The following COL24A1 variants were observed in gnomAD, a reference collection of about 807,000 sequenced individuals.
The protein encoded by COL24A1 is collagen alpha-1(XXIV) chain.
Under a neutral mutation model 253.9 loss-of-function variants are expected in COL24A1, and 224 were observed. The ratio of observed to expected loss-of-function variants is 0.88; its 90% CI spans 0.79 to 0.99. COL24A1 has a LOEUF of 0.99. Ranked by LOEUF, COL24A1 falls within the 50% of genes least tolerant of loss-of-function variation. The probability of loss-of-function intolerance (pLI) is 0.00; values close to 1 mark genes in which losing one functional copy is unlikely to be tolerated. For missense variants in COL24A1, 2,131 were observed against 2,068.5 expected (o/e 1.03, Z -0.59); for synonymous variants, 685 against 673.7 (o/e 1.02, Z -0.26).
chr1:85,793,495 G>GGA (rs892752879), intron 47 of COL24A1, among the ~76,000 whole-genome samples: 6 of 151,962 alleles, frequency 3.9e-5, no homozygotes, highest in African/African-American at 9.7e-5. Flanking sequence ...GAAAGAGAGG[G>GGA]GAGAGAGAGA....
At chr1:85,838,450 A>T (rs1476167567) in intron 43 of COL24A1, 135 bp downstream of exon 43, 1 of 723,952 alleles carries the variant, frequency 1.4e-6, no homozygotes, top group East Asian at 2.6e-5. Flanking sequence ...AGGAACAGAA[A>T]GTAGAAAGAC....
chr1:85,872,515 G>A (rs921341593), intron 35 of COL24A1, among the ~76,000 whole-genome samples: 6 of 152,166 alleles, frequency 3.9e-5, no homozygotes, highest in African/African-American at 1.4e-4. Context: ...ACAGAACAGA[G>A]CCCTCAGAAA....
chr1:85,853,675 G>T (rs1264978974), intron 37 of COL24A1, among the ~76,000 whole-genome samples: 6 of 152,180 alleles, frequency 3.9e-5, no homozygotes, highest in South Asian at 2.1e-4. Context: ...ACTGGTATGA[G>T]ATGGTATCTC....
At chr1:86,083,256 C>T (rs933105256) in intron 7 of COL24A1, among the ~76,000 whole-genome samples, 7 of 151,682 alleles carry the variant, frequency 4.6e-5, no homozygotes, top group Non-Finnish European at 1.0e-4. Context: ...CGAGATTGCA[C>T]CACTGCACTC....
At chr1:86,135,695 T>C (rs1650124399) in intron 2 of COL24A1, among the ~76,000 whole-genome samples, 2 of 152,060 alleles carry the variant, frequency 1.3e-5, no homozygotes, top group Admixed American at 6.6e-5. Flanking sequence ...TTTAATATAT[T>C]GCCTTCTTTT....
intron 7 of COL24A1, among the ~76,000 whole-genome samples, chr1:86,082,691 T>C (rs953573086): frequency 7.9e-6 from 1 of 126,068 alleles, no homozygotes; most frequent in Non-Finnish European, 1.7e-5. Flanking sequence ...ACATAATACA[T>C]AAATACAATT....
chr1:85,891,199 C>A (rs113550590), intron 31 of COL24A1, among the ~76,000 whole-genome samples: 1,754 of 151,104 alleles, frequency 0.012, 27 homozygotes, highest in African/African-American at 0.039. Flanking sequence ...TACAGGCGCC[C>A]GCCACCACGC....
At chr1:85,844,328 A>T (rs115590317) in intron 39 of COL24A1, among the ~76,000 whole-genome samples, 184 of 152,254 alleles carry the variant, frequency 1.2e-3, no homozygotes, top group African/African-American at 3.9e-3. Flanking sequence ...TGTTCAGGAG[A>T]AAATAAACTC....
At chr1:85,932,456 C>T (rs1470253555) in intron 24 of COL24A1, among the ~76,000 whole-genome samples, 92 of 110,234 alleles carry the variant, frequency 8.3e-4, no homozygotes, top group African/African-American at 2.8e-3. Flanking sequence ...GGAGAGGATG[C>T]GGAGAAATAG....
chr1:85,818,071 T>A lies in COL24A1; in HGVS notation c.3806A>T (p.Lys1269Ile), dbSNP rs763759254. ...ERGSEGNKGK[K>I]GAPGPSGKPG... ...TTTCCCAGAAGGACCAGGAGCTCCT[T>A]TTTTCCCCTTATTACCCTAAAGATG... is the stretch of plus-strand genomic sequence containing the variant. Residue 1269 changes from lysine (K) to isoleucine (I), a missense_variant, in exon 46 of 60, where the codon AAA (lysine) becomes ATA (isoleucine). Coordinates refer to ENST00000370571, the MANE Select transcript of COL24A1 (RefSeq NM_152890.7). 4.3e-6 allele frequency: 7 copies of A among 1,613,646 alleles called. No individual in the cohort carries two copies. The highest frequency in any genetic ancestry group is 2.2e-5 in the East Asian group (1 of 44,872).
At chr1:85,794,387 T>C (rs932913608) in intron 47 of COL24A1, among the ~76,000 whole-genome samples, 10 of 152,210 alleles carry the variant, frequency 6.6e-5, no homozygotes, top group African/African-American at 2.4e-4. Flanking sequence ...GAAGTCAAGA[T>C]GTACTTTTGA....
At chr1:85,914,342 G>GTGTC (rs1220613251) in intron 24 of COL24A1, among the ~76,000 whole-genome samples, 1 of 147,002 alleles carries the variant, frequency 6.8e-6, no homozygotes, top group Admixed American at 6.8e-5. Flanking sequence ...GTGTGTGTGT[G>GTGTC]TGCAGCAAAT....
intron 5 of COL24A1, among the ~76,000 whole-genome samples, chr1:86,096,487 T>G (rs1703897580): frequency 6.6e-6 from 1 of 152,154 alleles, no homozygotes; most frequent in Admixed American, 6.5e-5. Flanking sequence ...CCTCCACAAC[T>G]TTAACATTTA....
intron 37 of COL24A1, among the ~76,000 whole-genome samples, chr1:85,856,128 T>C (rs533762210): frequency 6.6e-4 from 101 of 152,316 alleles, no homozygotes; most frequent in African/African-American, 2.2e-3. Flanking sequence ...ATAAATCTTA[T>C]TTATTCTTTC....
rs201932469 is a variant in COL24A1, at chr1:86,045,558, A to AT, written c.1950+1266dup. Among the ~76,000 whole-genome samples the AT allele has an allele frequency of 1.0e-3, 157 of 152,214 alleles. 2 individuals carry two copies. In the East Asian group the frequency reaches 0.028, roughly 27 times the overall value. On this transcript the variant is annotated intron_variant, in intron 12 of 59. Coordinates refer to ENST00000370571, the MANE Select transcript of COL24A1 (RefSeq NM_152890.7). ...GGGATATGTGTATGAGAGCTAAAAC[A>AT]TAAAAAAAAAAATTAACACACCAAT...
chr1:86,128,590 T>A (rs922482816), intron 2 of COL24A1, among the ~76,000 whole-genome samples: 1 of 151,954 alleles, frequency 6.6e-6, no homozygotes, highest in African/African-American at 2.4e-5. Context: ...GTGCTTCGAA[T>A]TTCTGACCCT....
chr1:85,871,235 C>CAG (rs1431605158), intron 35 of COL24A1, among the ~76,000 whole-genome samples: 2 of 152,086 alleles, frequency 1.3e-5, no homozygotes, highest in African/African-American at 4.8e-5. Context: ...AGTCCAGGAC[C>CAG]AGATGGATTC....
At chr1:86,029,630 T>A (rs1483275893) in intron 14 of COL24A1, among the ~76,000 whole-genome samples, 1 of 129,118 alleles carries the variant, frequency 7.7e-6, no homozygotes, top group African/African-American at 3.1e-5. Flanking sequence ...TTTTTTTTTT[T>A]AGAGAGATGG....
chr1:85,820,082 A>T (rs1228809204), intron 45 of COL24A1, among the ~76,000 whole-genome samples: 1 of 151,992 alleles, frequency 6.6e-6, no homozygotes, highest in Non-Finnish European at 1.5e-5. Context: ...TCCTGACCTC[A>T]GGTGATCTGC....
Sources: gnomAD v4.1 joint callset for allele counts (sites outside exome capture counted in the v4.1 genomes callset) on GRCh38, gnomAD v4.1.1 for gene constraint, MANE v1.5 for transcripts, NCBI Gene and HGNC (gene_info 2026-07-23, HGNC 2026-07-21) for gene names.